The following CDH12 variants were observed in gnomAD, a reference collection of about 807,000 sequenced individuals.
CDH12 encodes the protein cadherin 12.
A neutral mutation model predicts 74.1 loss-of-function variants in CDH12; 41 were observed. The observed-to-expected ratio is 0.55, with a 90% CI of 0.43 to 0.72. CDH12 has a LOEUF of 0.72. Ranked by LOEUF, CDH12 falls within the 30% of genes least tolerant of loss-of-function variation. The pLI, the probability that CDH12 is intolerant of heterozygous loss-of-function variation, is 0.00. For missense variants in CDH12, 945 were observed against 977.2 expected, an observed-to-expected ratio of 0.97 and a Z score of 0.44; for synonymous variants, 399 against 355.0, an observed-to-expected ratio of 1.12 and a Z score of -1.39.
chr5:22,038,154 A>G (rs887666304), intron 5 of CDH12, among the ~76,000 whole-genome samples: 5 of 152,128 alleles, frequency 3.3e-5, no homozygotes, highest in Non-Finnish European at 7.4e-5. Context: ...TGGAAATGCA[A>G]CTACTGCTGG....
At chr5:22,510,894 ATTTT>A (rs34007830) in intron 1 of CDH12, among the ~76,000 whole-genome samples, 1 of 143,974 alleles carries the variant, frequency 6.9e-6, no homozygotes, top group African/African-American at 2.5e-5. Context: ...AACATATATA[ATTTT>A]TTTTTTTTTT....
chr5:22,111,483 G>T (rs981810053), intron 4 of CDH12, among the ~76,000 whole-genome samples: 2 of 152,036 alleles, frequency 1.3e-5, no homozygotes, highest in Non-Finnish European at 2.9e-5. Context: ...TTCAATTTGC[G>T]TTTCACTATG....
intron 1 of CDH12, among the ~76,000 whole-genome samples, chr5:22,615,242 T>C (rs1432146626): frequency 2.0e-5 from 3 of 152,054 alleles, no homozygotes. Context: ...TTTGATTAAG[T>C]CCTCACATTA....
At chr5:21,968,400 G>T (rs1250052026) in intron 6 of CDH12, among the ~76,000 whole-genome samples, 3 of 152,186 alleles carry the variant, frequency 2.0e-5, no homozygotes, top group Non-Finnish European at 4.4e-5. Flanking sequence ...GGAAATGATA[G>T]TTGGATCTGA....
chr5:22,716,083 G>A (rs1269003090), intron 1 of CDH12, among the ~76,000 whole-genome samples: 1 of 152,158 alleles, frequency 6.6e-6, no homozygotes, highest in East Asian at 1.9e-4. Flanking sequence ...ATTGCAGTGA[G>A]CGGAGATTGT....
intron 1 of CDH12, among the ~76,000 whole-genome samples, chr5:22,696,370 C>CAAAAAAAAAAA (rs1313736569): frequency 1.0e-5 from 1 of 96,550 alleles, no homozygotes; most frequent in African/African-American, 4.5e-5. Flanking sequence ...GACTCCGTCT[C>CAAAAAAAAAAA]AAAAAAAAAA....
At chr5:22,823,703 C>A (rs1749850687) in intron 1 of CDH12, among the ~76,000 whole-genome samples, 1 of 152,006 alleles carries the variant, frequency 6.6e-6, no homozygotes, top group African/African-American at 2.4e-5. Flanking sequence ...GCAGTTTCCC[C>A]CATGCTGTTC....
chr5:22,608,117 A>C (rs1737210800), intron 1 of CDH12, among the ~76,000 whole-genome samples: 1 of 152,204 alleles, frequency 6.6e-6, no homozygotes, highest in South Asian at 2.1e-4. Flanking sequence ...AGATCCACTG[A>C]AAGCTTGCAC....
intron 2 of CDH12, among the ~76,000 whole-genome samples, chr5:22,479,296 A>G (rs1580691574): frequency 6.6e-6 from 1 of 152,338 alleles, no homozygotes; most frequent in East Asian, 1.9e-4. Flanking sequence ...GACTATAACA[A>G]GTATTTGTTC....
intron 6 of CDH12, among the ~76,000 whole-genome samples, chr5:21,962,971 C>T (rs2355283): frequency 6.6e-6 from 1 of 152,212 alleles, no homozygotes; most frequent in Non-Finnish European, 1.5e-5. Flanking sequence ...TGGTGCCAAA[C>T]ACTTATTCTG....
intron 3 of CDH12, among the ~76,000 whole-genome samples, chr5:22,366,494 G>A (rs369340427): frequency 3.3e-5 from 5 of 151,978 alleles, no homozygotes; most frequent in African/African-American, 1.2e-4. Flanking sequence ...AACTGTGAAA[G>A]GTCCTTCTGG....
At chr5:22,317,102 G>A (rs773901201) in intron 3 of CDH12, among the ~76,000 whole-genome samples, 5 of 152,038 alleles carry the variant, frequency 3.3e-5, no homozygotes, top group Admixed American at 6.6e-5. Context: ...CAGATCACCC[G>A]AGCTCAGGAG....
chr5:21,753,167 T>A (rs576674650), intron 14 of CDH12, among the ~76,000 whole-genome samples: 1 of 152,310 alleles, frequency 6.6e-6, no homozygotes, highest in East Asian at 1.9e-4. Flanking sequence ...AAAGCTAATG[T>A]GTGTTTGATT....
At chr5:21,800,997 T>G (rs1747080753) in intron 10 of CDH12, among the ~76,000 whole-genome samples, 1 of 152,154 alleles carries the variant, frequency 6.6e-6, no homozygotes, top group South Asian at 2.1e-4. Context: ...AGTCTCAGGG[T>G]GGTTCTTTAT....
rs1186486338 is a variant in CDH12 at position 22,698,731 on chromosome 5, ATATAGTGTGTGT to A, written c.-523+154315_-523+154326del. Among the ~76,000 whole-genome samples, 25 of 6,868 alleles carry A rather than the reference ATATAGTGTGTGT, an allele frequency of 3.6e-3. 2 individuals carry two copies. The highest frequency in any genetic ancestry group is 7.8e-3 in the Admixed American group (3 of 384). The allele number at this position is 6,868 out of a possible 152,430, so 4.5% of individuals were successfully genotyped here. On this transcript the variant is annotated intron_variant, in intron 1 of 14. Coordinates refer to ENST00000382254, the MANE Select transcript of CDH12 (RefSeq NM_004061.5). ...TATATATATATATATATATATATATATATAGTGTGTGTGTGTGTGTGTGTGTGTGTGTGTGTG... is the reference window on the plus strand; with the variant it reads ...TATATATATATATATATATATATATAGTGTGTGTGTGTGTGTGTGTGTGTG...
rs1235787821 is a variant in CDH12, at chr5:22,698,723, ATATATATATATAGTGT to A, written c.-523+154319_-523+154334del. Among the ~76,000 whole-genome samples, 115 of 16,510 alleles carry A rather than the reference ATATATATATATAGTGT, an allele frequency of 7.0e-3. 12 individuals are homozygous for A. The highest frequency in any genetic ancestry group is 0.05 in the Middle Eastern group (2 of 40). 10.8% of individuals were successfully genotyped at this position (16,510 alleles called of 152,430 possible). A position where few individuals can be genotyped will look rare whatever the true frequency, so the allele number is the denominator to read the frequency against. On this transcript the variant is annotated intron_variant, in intron 1 of 14. Coordinates refer to ENST00000382254, the MANE Select transcript of CDH12 (RefSeq NM_004061.5). ...TATATATATATATATATATATATAT[ATATATATATATAGTGT>A]GTGTGTGTGTGTGTGTGTGTGTGTG...
chr5:22,295,732 T>G (rs1325062559), intron 3 of CDH12, among the ~76,000 whole-genome samples: 1 of 152,020 alleles, frequency 6.6e-6, no homozygotes, highest in Non-Finnish European at 1.5e-5. Flanking sequence ...TCTGGAGATA[T>G]GAACTAAACA....
chr5:22,345,156 C>T (rs1740057642), intron 3 of CDH12, among the ~76,000 whole-genome samples: 1 of 152,102 alleles, frequency 6.6e-6, no homozygotes, highest in Admixed American at 6.5e-5. Flanking sequence ...CCTATTCTGA[C>T]AATTACTCTT....
chr5:22,496,619 A>G (rs1747112274), intron 2 of CDH12, among the ~76,000 whole-genome samples: 1 of 152,064 alleles, frequency 6.6e-6, no homozygotes, highest in Non-Finnish European at 1.5e-5. Flanking sequence ...CTCTCATCAA[A>G]ATTTTTGCTC....
Sources: allele counts gnomAD v4.1 joint callset (sites outside exome capture counted in the v4.1 genomes callset), GRCh38; gene constraint gnomAD v4.1.1; transcripts MANE v1.5; gene names NCBI Gene and HGNC (gene_info 2026-07-23, HGNC 2026-07-21).